The following MSRA variants were observed in gnomAD, a reference collection of about 807,000 sequenced individuals.
The protein encoded by MSRA is mitochondrial peptide methionine sulfoxide reductase.
A neutral mutation model predicts 31.3 loss-of-function variants in MSRA; 54 were observed. That is an observed-to-expected ratio of 1.73 (90% CI 1.39 to 2.17). The LOEUF is 2.17. Among genes scored for constraint, MSRA ranks in the 30% most tolerant of loss-of-function variants. MSRA has a pLI of 0.00. For missense variants in MSRA, 507 were observed against 300.9 expected (o/e 1.69, Z -5.07); for synonymous variants, 169 against 116.5 (o/e 1.45, Z -2.90).
intron 5 of MSRA, among the ~76,000 whole-genome samples, chr8:10,357,470 T>A (rs1804574747): frequency 6.6e-6 from 1 of 152,218 alleles, no homozygotes; most frequent in Admixed American, 6.5e-5. Flanking sequence ...TTTGATGGGT[T>A]TCAGTCCATT....
intron 3 of MSRA, among the ~76,000 whole-genome samples, chr8:10,286,462 C>G (rs532833820): frequency 2.6e-5 from 4 of 152,216 alleles, no homozygotes; most frequent in African/African-American, 7.2e-5. Context: ...ACTTGCTCCT[C>G]CTTGCCTCCC....
intron 1 of MSRA, among the ~76,000 whole-genome samples, chr8:10,084,298 T>A (rs1798442516): frequency 6.6e-6 from 1 of 152,272 alleles, no homozygotes; most frequent in Non-Finnish European, 1.5e-5. Context: ...GCCAGATCCC[T>A]GGGCAGGGGC....
intron 1 of MSRA, among the ~76,000 whole-genome samples, chr8:10,145,197 G>T (rs114613830): frequency 6.6e-6 from 1 of 152,176 alleles, no homozygotes; most frequent in African/African-American, 2.4e-5. Flanking sequence ...AGTGCGAGGC[G>T]AGAACCGTCC....
At chr8:10,368,307 C>T (rs1209542337) in intron 5 of MSRA, among the ~76,000 whole-genome samples, 1 of 152,224 alleles carries the variant, frequency 6.6e-6, no homozygotes, top group Non-Finnish European at 1.5e-5. Context: ...TAAATCTGAT[C>T]AGGAGAATCC....
At chr8:10,375,223 C>G (rs144115299) in intron 5 of MSRA, among the ~76,000 whole-genome samples, 1 of 152,334 alleles carries the variant, frequency 6.6e-6, no homozygotes, top group African/African-American at 2.4e-5. Context: ...ATCTTCCATC[C>G]TCCCCATCTC....
chr8:10,076,791 T>C (rs1798015163), intron 1 of MSRA, among the ~76,000 whole-genome samples: 1 of 151,850 alleles, frequency 6.6e-6, no homozygotes, highest in Non-Finnish European at 1.5e-5. Flanking sequence ...CCAGCTCCGA[T>C]AGAGTGGGTA....
chr8:10,360,624 A>G (rs562421082), intron 5 of MSRA, among the ~76,000 whole-genome samples: 3 of 152,334 alleles, frequency 2.0e-5, no homozygotes, highest in Non-Finnish European at 4.4e-5. Context: ...GATTCGATAA[A>G]TGTTTGTAGC....
intron 1 of MSRA, among the ~76,000 whole-genome samples, chr8:10,167,100 C>T (rs1340905264): frequency 6.6e-6 from 1 of 152,178 alleles, no homozygotes; most frequent in African/African-American, 2.4e-5. Flanking sequence ...CTTCTTCCCT[C>T]CTCTCCATTC....
chr8:10,242,630 A>G (rs1296690985), intron 2 of MSRA, among the ~76,000 whole-genome samples: 2 of 152,168 alleles, frequency 1.3e-5, no homozygotes, highest in Admixed American at 6.5e-5. Flanking sequence ...AGTGCATACT[A>G]TATTTTATTT....
intron 1 of MSRA, among the ~76,000 whole-genome samples, chr8:10,118,047 T>C (rs1452079749): frequency 6.6e-6 from 1 of 152,244 alleles, no homozygotes; most frequent in East Asian, 1.9e-4. Flanking sequence ...AAGGTGTTGA[T>C]AGGATTTCAC....
At chr8:10,304,366 A>G (rs1356179928) in intron 4 of MSRA, among the ~76,000 whole-genome samples, 3 of 152,274 alleles carry the variant, frequency 2.0e-5, no homozygotes, top group African/African-American at 7.2e-5. Flanking sequence ...TCAAGTGAGC[A>G]TACAGATAAA....
chr8:10,348,332 C>A (rs561944168), intron 5 of MSRA, among the ~76,000 whole-genome samples: 1 of 150,552 alleles, frequency 6.6e-6, no homozygotes, highest in East Asian at 1.9e-4. Context: ...TGCCTATTTC[C>A]CAACTTATAT....
intron 5 of MSRA, among the ~76,000 whole-genome samples, chr8:10,420,490 CT>C (rs923332743): frequency 1.3e-5 from 2 of 152,152 alleles, no homozygotes; most frequent in African/African-American, 4.8e-5. Flanking sequence ...TCTTACAGTT[CT>C]TGTGGTCTGG....
chr8:10,242,008 A>G (rs1432225510), intron 2 of MSRA, among the ~76,000 whole-genome samples: 6 of 152,196 alleles, frequency 3.9e-5, no homozygotes, highest in Non-Finnish European at 5.9e-5. Flanking sequence ...GTGGTGGCTC[A>G]CGCCTGTAAT....
intron 2 of MSRA, among the ~76,000 whole-genome samples, chr8:10,215,332 T>A (rs563797601): frequency 6.6e-6 from 1 of 152,318 alleles, no homozygotes; most frequent in African/African-American, 2.4e-5. Flanking sequence ...AAGCCCCATC[T>A]CTCATCTGTA....
At chr8:10,065,164 C>T (rs1297375419) in intron 1 of MSRA, among the ~76,000 whole-genome samples, 1 of 152,140 alleles carries the variant, frequency 6.6e-6, no homozygotes, top group Non-Finnish European at 1.5e-5. Context: ...GCATTCCTCA[C>T]ACCCCGAGAT....
intron 5 of MSRA, among the ~76,000 whole-genome samples, chr8:10,355,487 A>G (rs1235066255): frequency 6.6e-6 from 1 of 152,218 alleles, no homozygotes; most frequent in East Asian, 1.9e-4. Flanking sequence ...AGACACGTGT[A>G]AGGAACAGAA....
intron 1 of MSRA, among the ~76,000 whole-genome samples, chr8:10,082,545 C>T (rs756318801): frequency 1.3e-5 from 2 of 152,178 alleles, no homozygotes; most frequent in Admixed American, 6.5e-5. Context: ...CATCCGTGCA[C>T]TAAGGGTCTC....
intron 1 of MSRA, among the ~76,000 whole-genome samples, chr8:10,103,363 T>C (rs1428653590): frequency 6.6e-6 from 1 of 152,212 alleles, no homozygotes; most frequent in Non-Finnish European, 1.5e-5. Flanking sequence ...AACTTTGGAA[T>C]AATATATTGT....
Sources: gnomAD v4.1 joint callset for allele counts (sites outside exome capture counted in the v4.1 genomes callset) on GRCh38, gnomAD v4.1.1 for gene constraint, MANE v1.5 for transcripts, NCBI Gene and HGNC (gene_info 2026-07-23, HGNC 2026-07-21) for gene names.